The following RASSF4 variants were observed in gnomAD, a reference collection of about 807,000 sequenced individuals.
RASSF4 encodes the protein ras association domain-containing protein 4.
RASSF4 carries 38 observed loss-of-function variants against 41.1 expected under a neutral mutation model. That is an observed-to-expected ratio of 0.92 (90% CI 0.71 to 1.21). The LOEUF is 1.21. Among genes scored for constraint, RASSF4 ranks in the 50% most tolerant of loss-of-function variants. The probability of loss-of-function intolerance (pLI) is 0.00; values close to 1 mark genes in which losing one functional copy is unlikely to be tolerated. For missense variants in RASSF4, 414 were observed against 419.4 expected (o/e 0.99, Z 0.11); for synonymous variants, 179 against 163.4 (o/e 1.10, Z -0.73).
At chr10:44,979,876 G>A (rs1187034014) in intron 3 of RASSF4, among the ~76,000 whole-genome samples, 4 of 152,008 alleles carry the variant, frequency 2.6e-5, no homozygotes, top group African/African-American at 9.7e-5. Context: ...CTGGGGCTGG[G>A]GCTGGGGGGC....
intron 3 of RASSF4, chr10:44,977,200 C>T (rs1283447861): frequency 3.0e-6 from 2 of 667,532 alleles, no homozygotes; most frequent in Non-Finnish European, 2.4e-6. Context: ...GGATTGGTAA[C>T]ATCTCCTCAT....
intron 3 of RASSF4, among the ~76,000 whole-genome samples, chr10:44,978,466 C>T (rs2132785095): frequency 6.6e-6 from 1 of 152,318 alleles, no homozygotes. Flanking sequence ...GAAATAACCC[C>T]TGAATCCCTT....
intron 1 of RASSF4, among the ~76,000 whole-genome samples, chr10:44,962,237 C>T (rs1840735930): frequency 6.6e-6 from 1 of 152,242 alleles, no homozygotes; most frequent in African/African-American, 2.4e-5. Flanking sequence ...TACAACGTTC[C>T]TCTGCCTCCT....
chr10:44,970,054 G>C, intron 1 of RASSF4, 111 bp from the exon 2 acceptor site: 2 of 692,688 alleles, frequency 2.9e-6, no homozygotes, highest in Non-Finnish European at 5.2e-6. Flanking sequence ...GTGCCAAGGC[G>C]GTGTGATGCC....
chr10:44,982,335 T>C, intron 3 of RASSF4, 186 bp from the exon 4 acceptor site: 2 of 727,216 alleles, frequency 2.8e-6, no homozygotes, highest in Non-Finnish European at 4.8e-6. Flanking sequence ...CATCTCAGGC[T>C]CCCTCCCACA....
Position 44,984,795 on chromosome 10 carries a change from C to A in RASSF4, c.374-18C>A. The A allele has an allele frequency of 6.2e-6, 10 of 1,612,514 alleles. No individual in the cohort carries two copies. Among genetic ancestry groups the A allele is most frequent in the Non-Finnish European group, 8.5e-6 (10 of 1,179,308 alleles). On this transcript the variant is annotated intron_variant, in intron 5 of 10. Coordinates refer to ENST00000340258, the MANE Select transcript of RASSF4 (RefSeq NM_032023.4). ...AGCATCACCCACCCTGCCATTCTCT[C>A]ACCCATTTCTCATGCAGGGCCCCTG...
intron 9 of RASSF4, 135 bp from the exon 10 acceptor site, chr10:44,991,770 G>C (rs1842121806): frequency 3.2e-6 from 2 of 626,562 alleles, no homozygotes; most frequent in African/African-American, 3.7e-5. Context: ...TGTGGGGGTG[G>C]GGTGGGAAAA....
Position 44,993,627 on chromosome 10 carries a change from A to T in RASSF4, c.*298A>T. ...CTGCACTGGAGAGCAGTGCTGGCCC[A>T]GCCCCTGCGGCTTAGGCTTCATCTG... On this transcript the variant is annotated 3_prime_UTR_variant, in exon 11 of 11. Coordinates refer to ENST00000340258, the MANE Select transcript of RASSF4 (RefSeq NM_032023.4). 1 of 383,726 alleles carries T rather than the reference A, an allele frequency of 2.6e-6. No individual in the cohort carries two copies. Among genetic ancestry groups the T allele is most frequent in the Non-Finnish European group, 4.9e-6 (1 of 206,154 alleles). The allele number at this position is 383,726 out of a possible 1,614,324, so 23.8% of individuals were successfully genotyped here. A position where few individuals can be genotyped will look rare whatever the true frequency, so the allele number is the denominator to read the frequency against.
At chr10:44,993,212 C>A in intron 10 of RASSF4, 57 bp from the exon 11 acceptor site, 2 of 1,502,542 alleles carry the variant, frequency 1.3e-6, no homozygotes, top group South Asian at 1.1e-5. Flanking sequence ...TGCTCTGCTG[C>A]CCACCTCCCT....
intron 3 of RASSF4, among the ~76,000 whole-genome samples, chr10:44,974,800 G>A (rs986662145): frequency 1.3e-5 from 2 of 152,228 alleles, no homozygotes; most frequent in Non-Finnish European, 2.9e-5. Context: ...CCCCGCTTCC[G>A]AGGGGCTAGA....
intron 10 of RASSF4, among the ~76,000 whole-genome samples, chr10:44,993,048 T>C (rs1022264640): frequency 1.3e-5 from 2 of 152,142 alleles, no homozygotes; most frequent in African/African-American, 4.8e-5. Flanking sequence ...GAGTCTGCAA[T>C]AGAAATGACA....
chr10:44,993,174 C>A, intron 10 of RASSF4, 95 bp from the exon 11 acceptor site: 1 of 1,028,536 alleles, frequency 9.7e-7, no homozygotes, highest in Non-Finnish European at 1.5e-6. Flanking sequence ...CTGCAGGGAT[C>A]TCCTGAGCTG....
chr10:44,989,170 C>T, intron 6 of RASSF4, 104 bp from the exon 7 acceptor site: 1 of 696,322 alleles, frequency 1.4e-6, no homozygotes, highest in Non-Finnish European at 2.6e-6. Context: ...TGCAGGTGTT[C>T]CCAGATCTCA....
intron 5 of RASSF4, chr10:44,984,387 A>G (rs1739419003): frequency 3.9e-6 from 2 of 519,408 alleles, no homozygotes; most frequent in South Asian, 5.4e-5. Context: ...GGGAAACAGG[A>G]GCATCCACAG....
intron 3 of RASSF4, among the ~76,000 whole-genome samples, chr10:44,975,280 T>A (rs1841362940): frequency 1.3e-5 from 2 of 152,010 alleles, no homozygotes; most frequent in Admixed American, 6.5e-5. Context: ...CCCCGTCCCC[T>A]CTCCGAAGGC....
At chr10:44,973,705 A>G (rs1206612699) in intron 3 of RASSF4, among the ~76,000 whole-genome samples, 2 of 152,330 alleles carry the variant, frequency 1.3e-5, no homozygotes, top group South Asian at 2.1e-4. Flanking sequence ...GGATTCCCCA[A>G]GATAATCCCC....
chr10:44,977,924 C>T (rs754609610), intron 3 of RASSF4: 6 of 1,612,670 alleles, frequency 3.7e-6, no homozygotes, highest in Non-Finnish European at 5.1e-6. Flanking sequence ...GTCATCCAGG[C>T]TAGGAGAGGG....
intron 2 of RASSF4, chr10:44,971,377 G>A: frequency 5.0e-6 from 2 of 403,484 alleles, no homozygotes; most frequent in South Asian, 3.7e-5. Flanking sequence ...TGTAGGAAGT[G>A]ATATGGGGAA....
chr10:44,984,745 C>T (rs915166150), intron 5 of RASSF4, 68 bp from the exon 6 acceptor site: 5 of 1,571,654 alleles, frequency 3.2e-6, no homozygotes, highest in East Asian at 4.5e-5. Context: ...TGCCAGATCT[C>T]CCGACAGCAG....
Sources: gnomAD v4.1 joint callset for allele counts (sites outside exome capture counted in the v4.1 genomes callset) on GRCh38, gnomAD v4.1.1 for gene constraint, MANE v1.5 for transcripts, NCBI Gene and HGNC (gene_info 2026-07-23, HGNC 2026-07-21) for gene names.